Variants in POLR2B observed in about 807,000 individuals in gnomAD.
POLR2B encodes RNA polymerase II subunit B, also known as DNA-directed RNA polymerase II subunit RPB2.
A neutral mutation model predicts 144.6 loss-of-function variants in POLR2B; 57 were observed. The ratio of observed to expected loss-of-function variants is 0.39; its 90% confidence interval spans 0.32 to 0.49. The LOEUF (loss-of-function observed/expected upper bound fraction) is 0.49. POLR2B is among the 20% of genes least tolerant of loss of function. The pLI, the probability that POLR2B is intolerant of heterozygous loss-of-function variation, is 0.83. For synonymous variants in POLR2B, 442 were observed against 469.8 expected (o/e 0.94, Z 0.77); for missense variants, 595 against 1,467.4 (o/e 0.41, Z 9.71).
rs199586673 is a variant in POLR2B, at chr4:57,023,286, C to G, written c.2516-44C>G. The G allele has an allele frequency of 6.2e-7, 1 of 1,603,602 alleles. No homozygotes were observed. The highest frequency in any genetic ancestry group is 2.2e-5 in the East Asian group (1 of 44,774). ...CTGATTCATGTATGTGGTTTTTAAT[C>G]TTTGTTGGGGATTATGTGACATTCC... On this transcript the variant is annotated intron_variant, in intron 18 of 24. Coordinates refer to ENST00000314595, the MANE Select transcript of POLR2B (RefSeq NM_000938.3). This position sits in a 1 kb window ranked among gnomAD's most constrained non-coding sequence, Gnocchi z 4.3.
intron 7 of POLR2B, among the ~76,000 whole-genome samples, chr4:57,004,551 C>G (rs1244174583): frequency 6.6e-6 from 1 of 152,010 alleles, no homozygotes; most frequent in African/African-American, 2.4e-5. Context: ...TTTTTAATAC[C>G]AAAACTGAAA....
At chr4:57,019,894 A>G (rs1367560853) in intron 16 of POLR2B, among the ~76,000 whole-genome samples, 1 of 151,536 alleles carries the variant, frequency 6.6e-6, no homozygotes. Flanking sequence ...TCCTTAATCT[A>G]GAACAGTTTC....
Position 57,021,089 on chromosome 4 carries a change from G to A in POLR2B, c.2420+94G>A, listed in dbSNP as rs376098713. The A allele has an allele frequency of 2.3e-4, 169 of 728,676 alleles. 2 individuals carry two copies. Among genetic ancestry groups the A allele is most frequent in the African/African-American group, 2.0e-3 (114 of 56,930 alleles). 45.1% of individuals were successfully genotyped at this position (728,676 alleles called of 1,614,324 possible). Reference sequence around the variant, plus strand: ...TCTTAAAATACAGTTTAACTACGCCGCACTCCAGAAAGTGGAAGGACTGGT... The same window carrying A: ...TCTTAAAATACAGTTTAACTACGCCACACTCCAGAAAGTGGAAGGACTGGT... On this transcript the variant is annotated intron_variant, in intron 17 of 24. Transcript: ENST00000314595.
chr4:56,982,756 G>T (rs946656394), intron 1 of POLR2B, among the ~76,000 whole-genome samples: 1 of 152,004 alleles, frequency 6.6e-6, no homozygotes, highest in African/African-American at 2.4e-5. Flanking sequence ...TGTGCCTAGG[G>T]TATATAACAG....
At chr4:57,027,151 GGT>G (rs1723749900) in intron 23 of POLR2B, among the ~76,000 whole-genome samples, 1 of 152,202 alleles carries the variant, frequency 6.6e-6, no homozygotes, top group South Asian at 2.1e-4. Flanking sequence ...TGGGATTACA[GGT>G]GTGCGCCACC....
intron 17 of POLR2B, 131 bp downstream of exon 17, chr4:57,021,126 A>G (rs1723533780): frequency 3.1e-6 from 2 of 653,574 alleles, no homozygotes; most frequent in Non-Finnish European, 5.5e-6. Context: ...GATGGTCACA[A>G]ACAGCTGAAG....
rs1249184228 is a variant in POLR2B, at chr4:56,978,984, A to G, written c.-2A>G. On this transcript the variant is annotated 5_prime_UTR_variant, in exon 1 of 25. Transcript: ENST00000314595. ...TTAGGAGCTCGAGAACCGTTTGGCA[A>G]TATGTACGACGCGGATGAGGGTAGG... 3 of 1,613,756 alleles carry G rather than the reference A, an allele frequency of 1.9e-6. No individual in the cohort carries two copies. Among genetic ancestry groups the G allele is most frequent in the Non-Finnish European group, 2.5e-6 (3 of 1,179,902 alleles).
intron 5 of POLR2B, 55 bp downstream of exon 5, chr4:56,994,921 A>T: frequency 2.9e-6 from 3 of 1,023,506 alleles, no homozygotes; most frequent in Non-Finnish European, 4.2e-6. Context: ...TTTAGTTTAA[A>T]GTTGAAATGA....
chr4:57,007,591 T>C (rs1238416635), intron 10 of POLR2B, among the ~76,000 whole-genome samples: 2 of 152,214 alleles, frequency 1.3e-5, no homozygotes, highest in Non-Finnish European at 2.9e-5. Flanking sequence ...GTGAAATTTT[T>C]ATGTCTTAAA....
Position 57,020,136 on chromosome 4 carries a change from C to T in POLR2B, c.2324-763C>T, listed in dbSNP as rs566030459. On this transcript the variant is annotated intron_variant, in intron 16 of 24. Coordinates refer to ENST00000314595, the MANE Select transcript of POLR2B (RefSeq NM_000938.3). The stretch of plus-strand genomic sequence containing the variant: ...GCAACCTCTGCCTCCTGGGTTTAAG[C>T]GATTCTTCTGTCTCAGCCTCCTGAG... Among the ~76,000 whole-genome samples the T allele has an allele frequency of 1.4e-4, 21 of 152,260 alleles. No individual in the cohort carries two copies. The South Asian group carries it at 2.9e-3, about 21-fold the overall frequency.
At chr4:57,010,688 G>A in intron 11 of POLR2B, 60 bp from the exon 12 acceptor site, 1 of 1,460,512 alleles carries the variant, frequency 6.8e-7, no homozygotes, top group African/African-American at 1.4e-5. Context: ...AAATGTTTAT[G>A]GAAAAGAAGT....
At chr4:56,979,366 A>G (rs1722079774) in intron 1 of POLR2B, among the ~76,000 whole-genome samples, 1 of 142,290 alleles carries the variant, frequency 7.0e-6, no homozygotes, top group Admixed American at 7.6e-5. Flanking sequence ...GACTTAACGA[A>G]TAGCTCAATT....
At chr4:57,010,239 A>G (rs925592420) in intron 10 of POLR2B, 122 bp from the exon 11 acceptor site, 18 of 867,448 alleles carry the variant, frequency 2.1e-5, no homozygotes, top group African/African-American at 2.0e-4. Flanking sequence ...CAGGGAAAGA[A>G]TAGAGAAATG....
chr4:56,999,541 A>T, intron 6 of POLR2B, 76 bp from the exon 7 acceptor site: 1 of 913,228 alleles, frequency 1.1e-6, no homozygotes, highest in Non-Finnish European at 1.7e-6. Flanking sequence ...TATATATATT[A>T]AATAGTTCTC....
Position 57,011,036 on chromosome 4 carries a change from A to G in POLR2B, c.1736A>G (p.Asp579Gly). 1 of 1,614,158 alleles carries G rather than the reference A, an allele frequency of 6.2e-7. No homozygotes were observed. The highest frequency in any genetic ancestry group is 8.5e-7 in the Non-Finnish European group (1 of 1,179,998). Residue 579 changes from aspartate to glycine, a missense_variant, in exon 13 of 25, where the codon GAT (aspartate) becomes GGT (glycine). Around this residue, in one of 9 missense-constraint regions of POLR2B, gnomAD observed 29 missense variants for 69.3 expected, o/e 0.42. Transcript: ENST00000314595. ...GGCTGCTGGGTTGGAATACATAAAG[A>G]TCCCGAACAACTTATGAACACCCTA... ...VNGCWVGIHK[D>G]PEQLMNTLRK... is the part of the protein sequence containing the mutation.
chr4:56,995,499 T>C (rs1578564792), intron 6 of POLR2B, 90 bp downstream of exon 6: 1 of 862,664 alleles, frequency 1.2e-6, no homozygotes, highest in Non-Finnish European at 1.8e-6. Flanking sequence ...ATAGAAGCTT[T>C]TCTGGAGCAT....
chr4:56,985,488 T>A, intron 1 of POLR2B: 1 of 983,300 alleles, frequency 1.0e-6, no homozygotes, highest in Non-Finnish European at 1.2e-6. Context: ...GCAACCTCTG[T>A]CTCCTGGGTT....
At position 56,978,904 on chromosome 4, in the gene POLR2B, T is replaced by C; in HGVS notation, c.-82T>C. ...CGTCGGAGACGGAAGTTACTTCGTC[T>C]TTAGCTCCTGGCGCTGCTGGCTTCT... On this transcript the variant is annotated 5_prime_UTR_variant, in exon 1 of 25. Coordinates refer to ENST00000314595, the MANE Select transcript of POLR2B (RefSeq NM_000938.3). 7.4e-7 allele frequency: 1 copy of C among 1,357,400 alleles called. No homozygotes were observed. The highest frequency in any genetic ancestry group is 1.1e-6 in the Non-Finnish European group (1 of 946,048). 84.1% of individuals were successfully genotyped at this position (1,357,400 alleles called of 1,614,324 possible).
chr4:56,995,155 A>T, intron 5 of POLR2B, 96 bp from the exon 6 acceptor site: 1 of 850,610 alleles, frequency 1.2e-6, no homozygotes, highest in Non-Finnish European at 1.8e-6. Context: ...CAGTGAGCCT[A>T]TATGGTCAGA....
Sources: gnomAD v4.1 joint callset for allele counts (sites outside exome capture counted in the v4.1 genomes callset) on GRCh38, gnomAD v4.1.1 for gene constraint, gnomAD v4.1.1 regional missense constraint, Gnocchi (gnomAD v3.1) non-coding constraint, MANE v1.5 for transcripts, NCBI Gene and HGNC (gene_info 2026-07-23, HGNC 2026-07-21) for gene names.